Variants in EIF4G2 observed in about 807,000 individuals in gnomAD.
EIF4G2 encodes DAP-5.
In EIF4G2, 8 loss-of-function variants were observed where a neutral mutation model predicts 117.7. That is an observed-to-expected ratio of 0.07 (90% CI 0.04 to 0.12). EIF4G2 has a LOEUF of 0.12. Among genes scored for constraint, EIF4G2 ranks in the 10% least tolerant of loss-of-function variants. The probability of loss-of-function intolerance (pLI) is 1.00; values close to 1 mark genes in which losing one functional copy is unlikely to be tolerated. For missense variants in EIF4G2, 812 were observed against 1,086.2 expected (o/e 0.75, Z 3.55); for synonymous variants, 413 against 367.8 (o/e 1.12, Z -1.41).
chr11:10,797,713 G>T lies in EIF4G2; in HGVS notation c.*103C>A. 8.1e-7 allele frequency: 1 copy of T among 1,237,910 alleles called. No homozygotes were observed. The highest frequency in any genetic ancestry group is 1.2e-6 in the Non-Finnish European group (1 of 858,518). 76.7% of individuals were successfully genotyped at this position (1,237,910 alleles called of 1,614,324 possible). On this transcript the variant is annotated 3_prime_UTR_variant, in exon 22 of 22. Transcript: ENST00000339995. The surrounding 1 kb of genome is among the most constrained non-coding windows in gnomAD (Gnocchi z 4.5). ...CTGACGTGCTTCTGCTTTAAATATT[G>T]TGAAAACATTACAGCGGAATGAATT... is the stretch of plus-strand genomic sequence containing the variant.
intron 3 of EIF4G2, 42 bp downstream of exon 3, chr11:10,806,778 C>A: frequency 6.2e-7 from 1 of 1,601,872 alleles, no homozygotes; most frequent in Non-Finnish European, 8.6e-7. Flanking sequence ...GACTTTTAAT[C>A]TGTTAAATAA....
In EIF4G2 at chr11:10,803,302, GAGA is replaced by G. The variant is rs751765680; in HGVS notation, c.814-11_814-9del. ...GTACTGATCCATTAAGGACTGATAA[GAGA>G]AGAATACATTCATTGGAAGAGCTAA... On this transcript the variant is annotated splice_polypyrimidine_tract_variant and intron_variant, in intron 9 of 21. Transcript: ENST00000339995. The surrounding 1 kb of genome is among the most constrained non-coding windows in gnomAD (Gnocchi z 4.0). The G allele has an allele frequency of 9.3e-6, 15 of 1,611,746 alleles. No individual in the cohort carries two copies. In the Admixed American group the frequency reaches 1.0e-4, roughly 11 times the overall value.
chr11:10,807,034 T>C (rs911110827), intron 2 of EIF4G2, 149 bp from the exon 3 acceptor site: 7 of 1,105,676 alleles, frequency 6.3e-6, no homozygotes, highest in South Asian at 3.0e-5. Context: ...TTAGTGCTTG[T>C]ATATTATGCT....
chr11:10,808,492 A>C (rs1221753397), intron 1 of EIF4G2: 1 of 1,245,974 alleles, frequency 8.0e-7, no homozygotes, highest in Admixed American at 2.8e-5. Flanking sequence ...GGCCTGGCCA[A>C]CACTGACGTT....
chr11:10,805,930 A>G lies in EIF4G2; in HGVS notation c.225T>C (p.Asp75=). 1 of 1,614,190 alleles carries G rather than the reference A, an allele frequency of 6.2e-7. No homozygotes were observed. Among genetic ancestry groups the G allele is most frequent in the Non-Finnish European group, 8.5e-7 (1 of 1,180,034 alleles). Residue 75 remains aspartate, a synonymous_variant, in exon 4 of 22, where the codon GAT becomes GAC. Coordinates refer to ENST00000339995, the MANE Select transcript of EIF4G2 (RefSeq NM_001418.4). Reference sequence around the variant, plus strand: ...ACCCTCTTACTTTCCTGAAGATTGCATCATGTCGTTCTTTTTCGTTTGCGG... The same window carrying G: ...ACCCTCTTACTTTCCTGAAGATTGCGTCATGTCGTTCTTTTTCGTTTGCGG...
chr11:10,802,997 C>A, intron 11 of EIF4G2, 33 bp downstream of exon 11: 1 of 1,591,676 alleles, frequency 6.3e-7, no homozygotes, highest in Non-Finnish European at 8.6e-7. Flanking sequence ...CACACAGAGT[C>A]TATGTGACAA....
intron 21 of EIF4G2, 121 bp downstream of exon 21, chr11:10,798,871 G>A (rs1174136897): frequency 6.0e-6 from 7 of 1,163,172 alleles, no homozygotes; most frequent in African/African-American, 1.6e-5. Flanking sequence ...AAATGTACAG[G>A]TGAAGACAAA....
In EIF4G2 at chr11:10,803,879, A is replaced by C. The variant is rs761550935; in HGVS notation, c.702+20T>G. The C allele has an allele frequency of 1.2e-6, 2 of 1,600,370 alleles. No homozygotes were observed. The highest frequency in any genetic ancestry group is 3.4e-5 in the Admixed American group (2 of 58,670). On this transcript the variant is annotated intron_variant, in intron 8 of 21. Transcript: ENST00000339995. The surrounding 1 kb of genome is among the most constrained non-coding windows in gnomAD (Gnocchi z 4.0). ...TCCAAACGACTGACTACATTCGCCT[A>C]ACTTCCCTGTCACACTTACTGTTTT...
rs750040365 is a variant in EIF4G2 at position 10,799,704 on chromosome 11, C to G, written c.2172G>C (p.Leu724=). Residue 724 remains leucine (L), a synonymous_variant, in exon 19 of 22, where the codon CTG becomes CTC. Transcript: ENST00000339995. ...ATTTGAGGAGTGGGAATAAGAAACT[C>G]AGTCCCTTTCCTTCCAAAATCTCCA... 3.1e-6 allele frequency: 5 copies of G among 1,614,120 alleles called. No individual in the cohort carries two copies. Among genetic ancestry groups the G allele is most frequent in the Middle Eastern group, 1.6e-4 (1 of 6,062 alleles).
At chr11:10,808,409 G>C (rs1227005505) in intron 1 of EIF4G2, 10 of 1,258,606 alleles carry the variant, frequency 7.9e-6, no homozygotes, top group Non-Finnish European at 9.2e-6. Flanking sequence ...CTCGCCGTCC[G>C]AGCACAGCCG....
At chr11:10,807,589 T>C (rs1337652965) in intron 1 of EIF4G2, 21 of 1,210,004 alleles carry the variant, frequency 1.7e-5, no homozygotes, top group African/African-American at 4.7e-5. Flanking sequence ...AGAGACTTCG[T>C]AGAACACAAG....
intron 2 of EIF4G2, 150 bp from the exon 3 acceptor site, chr11:10,807,035 A>T: frequency 9.0e-7 from 1 of 1,110,624 alleles, no homozygotes; most frequent in Non-Finnish European, 1.3e-6. Context: ...TAGTGCTTGT[A>T]TATTATGCTA....
Position 10,803,445 on chromosome 11 carries a change from A to G in EIF4G2, c.813+35T>C, listed in dbSNP as rs1440791308. Reference sequence around the variant, plus strand: ...AATCAATAGCTTGATTTAAAGACAAACTACTTGTACTACTTTCATCAGCTA... The same window carrying G: ...AATCAATAGCTTGATTTAAAGACAAGCTACTTGTACTACTTTCATCAGCTA... On this transcript the variant is annotated intron_variant, in intron 9 of 21. Transcript: ENST00000339995. The surrounding 1 kb of genome is among the most constrained non-coding windows in gnomAD (Gnocchi z 4.0). 1.9e-6 allele frequency: 3 copies of G among 1,591,306 alleles called. No individual in the cohort carries two copies. The highest frequency in any genetic ancestry group is 3.4e-5 in the Admixed American group (2 of 59,528).
intron 11 of EIF4G2, 97 bp downstream of exon 11, chr11:10,802,933 A>G: frequency 9.9e-7 from 1 of 1,013,130 alleles, no homozygotes; most frequent in Non-Finnish European, 1.5e-6. Flanking sequence ...CTAAGATGAG[A>G]CAGACCCCTC....
chr11:10,800,006 G>A (rs1276121695), intron 18 of EIF4G2, 84 bp downstream of exon 18: 1 of 1,458,748 alleles, frequency 6.9e-7, no homozygotes, highest in Non-Finnish European at 9.3e-7. Context: ...CAGACTGTCT[G>A]ACCTACATAA....
chr11:10,808,041 G>A lies in EIF4G2; in HGVS notation c.-86-660C>T, dbSNP rs902888136. ...CGAGGCCCGGGTCGCTCGACGGGGA[G>A]GAGCAGCTGAGGCCACCCCCGCCAG... On this transcript the variant is annotated intron_variant, in intron 1 of 21. Transcript: ENST00000339995. The A allele has an allele frequency of 2.1e-4, 219 of 1,031,926 alleles. No homozygotes were observed. The Middle Eastern group carries it at 3.9e-3, about 18-fold the overall frequency. The allele number at this position is 1,031,926 out of a possible 1,614,324, so 63.9% of individuals were successfully genotyped here. A position where few individuals can be genotyped will look rare whatever the true frequency, so the allele number is the denominator to read the frequency against.
chr11:10,801,857 G>A, intron 13 of EIF4G2, 83 bp from the exon 14 acceptor site: 2 of 1,358,242 alleles, frequency 1.5e-6, no homozygotes, highest in Non-Finnish European at 2.0e-6. Context: ...GATGAGCCAA[G>A]CCATAAAGTT....
chr11:10,800,141 A>G lies in EIF4G2; in HGVS notation c.2068T>C (p.Leu690=), dbSNP rs766059933. 2 of 1,614,108 alleles carry G rather than the reference A, an allele frequency of 1.2e-6. No individual in the cohort carries two copies. Among genetic ancestry groups the G allele is most frequent in the Non-Finnish European group, 1.7e-6 (2 of 1,180,028 alleles). The change falls in exon 18 of 22, where the codon TTA becomes CTA. Residue 690 remains leucine (L), a synonymous_variant. Coordinates refer to ENST00000339995, the MANE Select transcript of EIF4G2 (RefSeq NM_001418.4). ...TTGCTTTGTTGAAAAAGTTCTGTTA[A>G]CCATTCTCGATCTTGTAATTTAGCT...
chr11:10,806,584 A>G, intron 3 of EIF4G2: 1 of 505,412 alleles, frequency 2.0e-6, no homozygotes, highest in Non-Finnish European at 3.5e-6. Flanking sequence ...AAAACACATT[A>G]GTAAAAATAA....
Sources: allele counts gnomAD v4.1 joint callset, GRCh38; gene constraint gnomAD v4.1.1; non-coding constraint Gnocchi (gnomAD v3.1); transcripts MANE v1.5; gene names NCBI Gene and HGNC (gene_info 2026-07-23, HGNC 2026-07-21).